Variants in EXOSC10 observed in about 807,000 individuals in gnomAD.
EXOSC10 encodes exosome complex component 10.
In EXOSC10, 94 loss-of-function variants were observed where a neutral mutation model predicts 126.6. The ratio of observed to expected loss-of-function variants is 0.74; its 90% CI spans 0.63 to 0.88. The LOEUF (loss-of-function observed/expected upper bound fraction) is 0.88, where lower values mean the gene tolerates loss of function less well. Ranked by LOEUF, EXOSC10 falls within the 40% of genes least tolerant of loss-of-function variation. The pLI is 0.00. For synonymous variants in EXOSC10, 395 were observed against 400.8 expected (o/e 0.99, Z 0.17); for missense variants, 1,041 against 1,100.5 (o/e 0.95, Z 0.77).
At chr1:11,098,236 T>C (rs1047149523) in intron 1 of EXOSC10, 80 bp from the exon 2 acceptor site, 2 of 1,480,842 alleles carry the variant, frequency 1.4e-6, no homozygotes, top group Middle Eastern at 1.8e-4. Flanking sequence ...ATCTATCGTA[T>C]ACAAGGTATC....
intron 3 of EXOSC10, 44 bp from the exon 4 acceptor site, chr1:11,091,641 G>A (rs773336579): frequency 7.0e-7 from 1 of 1,422,234 alleles, no homozygotes; most frequent in South Asian, 1.2e-5. Flanking sequence ...TCCTTTTGAG[G>A]TTAGCAGAGT....
intron 16 of EXOSC10, 92 bp from the exon 17 acceptor site, chr1:11,077,040 G>A: frequency 2.2e-6 from 2 of 898,366 alleles, no homozygotes; most frequent in South Asian, 2.8e-5. Flanking sequence ...CCCCTAGGCT[G>A]GAGTACAATG....
chr1:11,094,482 G>C (rs1441923913), intron 3 of EXOSC10, among the ~76,000 whole-genome samples: 2 of 151,048 alleles, frequency 1.3e-5, no homozygotes, highest in Admixed American at 1.3e-4. Flanking sequence ...TTTTAGTAGA[G>C]ACAGTGTTTT....
intron 19 of EXOSC10, 79 bp from the exon 20 acceptor site, chr1:11,072,250 G>T: frequency 2.0e-6 from 2 of 1,020,158 alleles, no homozygotes; most frequent in Non-Finnish European, 3.0e-6. Flanking sequence ...ATGAGGTGAC[G>T]AAGGGCAGGT....
intron 13 of EXOSC10, among the ~76,000 whole-genome samples, chr1:11,080,161 C>A (rs1024549498): frequency 1.3e-5 from 2 of 152,186 alleles, no homozygotes; most frequent in Non-Finnish European, 2.9e-5. Flanking sequence ...GATCACAAAA[C>A]GTTTAAGATC....
At chr1:11,092,692 A>AT (rs931151578) in intron 3 of EXOSC10, among the ~76,000 whole-genome samples, 2 of 151,048 alleles carry the variant, frequency 1.3e-5, no homozygotes, top group African/African-American at 4.9e-5. Context: ...TAATTTTTGT[A>AT]TTTTTTAGTA....
chr1:11,081,510 C>T (rs916621829), intron 10 of EXOSC10, among the ~76,000 whole-genome samples: 5 of 152,194 alleles, frequency 3.3e-5, no homozygotes, highest in African/African-American at 1.2e-4. Flanking sequence ...AGAAAAGGGG[C>T]CACTGGTGTC....
intron 9 of EXOSC10, among the ~76,000 whole-genome samples, chr1:11,084,457 C>G (rs1447093142): frequency 6.6e-6 from 1 of 152,090 alleles, no homozygotes; most frequent in African/African-American, 2.4e-5. Context: ...TGTCCTTCAC[C>G]CACTTTTTGA....
chr1:11,089,358 C>T (rs1282955435), intron 6 of EXOSC10, among the ~76,000 whole-genome samples: 1 of 151,474 alleles, frequency 6.6e-6, no homozygotes, highest in Admixed American at 6.6e-5. Context: ...GCCTGTAATC[C>T]CAGCACTTTG....
At chr1:11,081,828 A>G (rs537909680) in intron 10 of EXOSC10, among the ~76,000 whole-genome samples, 1 of 152,198 alleles carries the variant, frequency 6.6e-6, no homozygotes, top group East Asian at 1.9e-4. Flanking sequence ...CACGCCTGTA[A>G]TCCCAGCACT....
intron 14 of EXOSC10, among the ~76,000 whole-genome samples, chr1:11,078,319 G>A (rs1213017339): frequency 1.3e-5 from 2 of 150,050 alleles, no homozygotes; most frequent in African/African-American, 2.5e-5. Flanking sequence ...GTGCAGTGGC[G>A]GGATCTCGGC....
intron 23 of EXOSC10, 140 bp from the exon 24 acceptor site, chr1:11,068,224 G>A: frequency 1.5e-6 from 1 of 684,642 alleles, no homozygotes; most frequent in South Asian, 1.8e-5. Flanking sequence ...ATGTTTCTGT[G>A]TCTCTGAAGG....
chr1:11,093,947 G>T (rs1392322784), intron 3 of EXOSC10, among the ~76,000 whole-genome samples: 1 of 152,036 alleles, frequency 6.6e-6, no homozygotes, highest in South Asian at 2.1e-4. Flanking sequence ...AGACGTGGTG[G>T]TGCACACCTG....
chr1:11,095,955 C>T (rs1257680518), intron 2 of EXOSC10, 74 bp from the exon 3 acceptor site: 35 of 1,467,862 alleles, frequency 2.4e-5, no homozygotes, highest in Non-Finnish European at 3.0e-5. Context: ...AGAGAATGTT[C>T]AAATGATGTG....
intron 9 of EXOSC10, among the ~76,000 whole-genome samples, chr1:11,083,727 C>G (rs200024266): frequency 7.5e-6 from 1 of 134,090 alleles, no homozygotes; most frequent in Non-Finnish European, 1.6e-5. Context: ...GCTGCACCCA[C>G]TAACTCATCA....
Position 11,068,007 on chromosome 1 carries a change from C to A in EXOSC10, c.2627+1G>T, listed in dbSNP as rs1557689076. The A allele has an allele frequency of 6.2e-7, 1 of 1,614,042 alleles. No homozygotes were observed. Among genetic ancestry groups the A allele is most frequent in the Non-Finnish European group, 8.5e-7 (1 of 1,179,920 alleles). On this transcript the variant is annotated splice_donor_variant, in intron 24 of 24. Transcript: ENST00000376936. LOFTEE classifies it high-confidence loss of function. ...GGGCCACACCGCCGTCCACCACATA[C>A]CTGTCTGACTTTCCAGTTGGAAAGG...
At chr1:11,088,446 T>C (rs189408923) in intron 6 of EXOSC10, among the ~76,000 whole-genome samples, 5 of 152,256 alleles carry the variant, frequency 3.3e-5, no homozygotes, top group Non-Finnish European at 7.3e-5. Flanking sequence ...AGCAGCTTTA[T>C]AAAGATTTGA....
chr1:11,091,537 CG>C lies in EXOSC10; in HGVS notation c.432del (p.Gly145AlafsTer8). The part of the protein sequence containing the change: ...VNKNQQPVLP[A>X]GLQVPKTVVS... Reference sequence around the variant, plus strand: ...ACTACCGTTTTGGGGACCTGCAAGCCGGCAGGGAGGACAGGCTGTTGATTCT... The same window carrying C: ...ACTACCGTTTTGGGGACCTGCAAGCCGCAGGGAGGACAGGCTGTTGATTCT... On this transcript the variant is annotated frameshift_variant, in exon 4 of 25. Coordinates refer to ENST00000376936, the MANE Select transcript of EXOSC10 (RefSeq NM_001001998.3). LOFTEE classifies it high-confidence loss of function. 6.2e-7 allele frequency: 1 copy of C among 1,614,150 alleles called. No individual in the cohort carries two copies. The highest frequency in any genetic ancestry group is 8.5e-7 in the Non-Finnish European group (1 of 1,180,026).
At chr1:11,095,971 G>A in intron 2 of EXOSC10, 90 bp from the exon 3 acceptor site, 1 of 1,375,030 alleles carries the variant, frequency 7.3e-7, no homozygotes, top group South Asian at 1.3e-5. Flanking sequence ...ATGTGGCTCA[G>A]ACTGTTCCCA....
Sources: allele counts gnomAD v4.1 joint callset (sites outside exome capture counted in the v4.1 genomes callset), GRCh38; gene constraint gnomAD v4.1.1; transcripts MANE v1.5; gene names NCBI Gene and HGNC (gene_info 2026-07-23, HGNC 2026-07-21).